Variants in UBIAD1 observed in about 807,000 individuals in gnomAD.
UBIAD1 encodes UbiA prenyltransferase domain containing 1, also known as ubiA prenyltransferase domain-containing protein 1.
UBIAD1 carries 12 observed loss-of-function variants against 20.1 expected under a neutral mutation model. The ratio of observed to expected loss-of-function variants is 0.60; its 90% CI spans 0.38 to 0.97. The LOEUF (loss-of-function observed/expected upper bound fraction) is 0.97, where lower values mean the gene tolerates loss of function less well. Among genes scored for constraint, UBIAD1 ranks in the 50% least tolerant of loss-of-function variants. The pLI, the probability that UBIAD1 is intolerant of heterozygous loss-of-function variation, is 0.00. For synonymous variants in UBIAD1, 207 were observed against 189.2 expected, an observed-to-expected ratio of 1.09 and a Z score of -0.77; for missense variants, 333 against 419.5, an observed-to-expected ratio of 0.79 and a Z score of 1.80.
rs1638260223 is a variant in UBIAD1 at position 11,286,214 on chromosome 1, T to C, written c.*83T>C. 1 of 1,591,418 alleles carries C rather than the reference T, an allele frequency of 6.3e-7. No homozygotes were observed. The highest frequency in any genetic ancestry group is 1.3e-5 in the African/African-American group (1 of 74,510). The stretch of plus-strand genomic sequence containing the variant: ...GAGTCTCTGAGGAAGGAATGTGATT[T>C]GGCAGTCAGGGTACTAAGCATGGGT... On this transcript the variant is annotated 3_prime_UTR_variant, in exon 2 of 2. Coordinates refer to ENST00000376810, the MANE Select transcript of UBIAD1 (RefSeq NM_013319.3).
downstream of UBIAD1, among the ~76,000 whole-genome samples, chr1:11,296,909 G>A (rs1638457135): frequency 6.6e-6 from 1 of 152,076 alleles, no homozygotes; most frequent in Non-Finnish European, 1.5e-5. Context: ...CCATGGCTGA[G>A]GGTCCATGTT....
chr1:11,294,713 G>T (rs1238558340), intron 1 of UBIAD1, among the ~76,000 whole-genome samples: 2 of 152,166 alleles, frequency 1.3e-5, no homozygotes, highest in East Asian at 3.9e-4. Context: ...ACCTACTCTG[G>T]CTGGCTGGGC....
intron 1 of UBIAD1, among the ~76,000 whole-genome samples, chr1:11,275,984 G>T (rs113364710): frequency 1.3e-5 from 2 of 152,250 alleles, no homozygotes; most frequent in African/African-American, 4.8e-5. Context: ...GCACACACAC[G>T]GATTATATAG....
chr1:11,292,668 TACACACACACACACACACACACAC>T (rs71568319), downstream of UBIAD1, among the ~76,000 whole-genome samples: 2 of 140,742 alleles, frequency 1.4e-5, no homozygotes, highest in Non-Finnish European at 3.1e-5. Context: ...ATTTTATGTA[TACACACACACACACACACACACAC>T]ACACACACAC....
At chr1:11,291,291 AG>A (rs1638361706), downstream of UBIAD1, among the ~76,000 whole-genome samples, 1 of 152,126 alleles carries the variant, frequency 6.6e-6, no homozygotes, top group Admixed American at 6.6e-5. Flanking sequence ...GATTTCAGCA[AG>A]GCATTTGACA....
chr1:11,296,346 G>A (rs1638447527), downstream of UBIAD1, among the ~76,000 whole-genome samples: 1 of 152,106 alleles, frequency 6.6e-6, no homozygotes, highest in African/African-American at 2.4e-5. Flanking sequence ...ACTCACCCCC[G>A]GGATACCCTC....
exon 2 of UBIAD1, chr1:11,295,102 C>G: frequency 3.3e-6 from 2 of 605,190 alleles, no homozygotes; most frequent in Non-Finnish European, 5.9e-6. Context: ...GTTCAGTGTG[C>G]TGTGTGGAGG....
chr1:11,291,538 C>T (rs530936919), downstream of UBIAD1, among the ~76,000 whole-genome samples: 1 of 141,340 alleles, frequency 7.1e-6, no homozygotes, highest in South Asian at 2.2e-4. Flanking sequence ...ACCCGGGAGG[C>T]AGAGATTGCA....
chr1:11,284,397 C>A (rs1652340838), intron 1 of UBIAD1, among the ~76,000 whole-genome samples: 1 of 151,962 alleles, frequency 6.6e-6, no homozygotes, highest in Non-Finnish European at 1.5e-5. Context: ...CTTTTATCCC[C>A]AGGATGAGTG....
At chr1:11,289,625 T>C (rs1638332578), downstream of UBIAD1, among the ~76,000 whole-genome samples, 1 of 152,076 alleles carries the variant, frequency 6.6e-6, no homozygotes, top group Non-Finnish European at 1.5e-5. Context: ...TGGAGTGGCG[T>C]GATCTCGGCT....
downstream of UBIAD1, among the ~76,000 whole-genome samples, chr1:11,290,919 C>T (rs185947326): frequency 8.7e-5 from 12 of 138,270 alleles, no homozygotes; most frequent in South Asian, 2.1e-4. Context: ...GCCGAGATCA[C>T]GCCACTGCAC....
intron 1 of UBIAD1, chr1:11,293,509 C>G (rs1638400271): frequency 6.6e-6 from 1 of 152,234 alleles, no homozygotes; most frequent in African/African-American, 2.4e-5. Context: ...ACAGAGCAGG[C>G]AGTCAGTAAC....
rs886045085 is a variant in UBIAD1 at position 11,288,246 on chromosome 1, C to G, written c.*2115C>G. On this transcript the variant is annotated 3_prime_UTR_variant, in exon 2 of 2. Transcript: ENST00000376810. Reference sequence around the variant, plus strand: ...CGTATGCCTTGGTGGTCACTCCCATCGGGGCTATCAGTTCTGCACTGTGCC... The same window carrying G: ...CGTATGCCTTGGTGGTCACTCCCATGGGGGCTATCAGTTCTGCACTGTGCC... 3 of 152,148 alleles carry G rather than the reference C, an allele frequency of 2.0e-5. No homozygotes were observed. The highest frequency in any genetic ancestry group is 4.4e-5 in the Non-Finnish European group (3 of 68,048). 9.4% of individuals were successfully genotyped at this position (152,148 alleles called of 1,614,324 possible).
At chr1:11,291,772 A>G (rs150281642), downstream of UBIAD1, among the ~76,000 whole-genome samples, 339 of 152,272 alleles carry the variant, frequency 2.2e-3, 4 homozygotes, top group African/African-American at 7.7e-3. Flanking sequence ...TGTTATCAAC[A>G]AAGTGGATCT....
chr1:11,276,806 G>A (rs974166337), intron 1 of UBIAD1, among the ~76,000 whole-genome samples: 3 of 149,318 alleles, frequency 2.0e-5, no homozygotes, highest in Admixed American at 6.7e-5. Flanking sequence ...TGTCTGTTAC[G>A]TGTAACACAC....
Position 11,285,853 on chromosome 1 carries a change from A to G in UBIAD1, c.739A>G (p.Thr247Ala), listed in dbSNP as rs1638253298. ...GTCCGACCGGGAGGCTGGTATCGTC[A>G]CGCTGGCCATCCTCATCGGCCCCAC... ...MESDREAGIV[T>A]LAILIGPTFS... The change falls in exon 2 of 2, where the codon ACG (threonine) becomes GCG (alanine). Residue 247 changes from threonine to alanine, a missense_variant. Around this residue, in one of 3 missense-constraint regions of UBIAD1, gnomAD observed 226 missense variants for 263.5 expected, o/e 0.86. Coordinates refer to ENST00000376810, the MANE Select transcript of UBIAD1 (RefSeq NM_013319.3). This position sits in a 1 kb window ranked among gnomAD's most constrained non-coding sequence, Gnocchi z 4.4. 1 of 1,614,136 alleles carries G rather than the reference A, an allele frequency of 6.2e-7. No homozygotes were observed. Among genetic ancestry groups the G allele is most frequent in the Non-Finnish European group, 8.5e-7 (1 of 1,180,018 alleles).
chr1:11,293,970 G>T (rs903361674), intron 1 of UBIAD1, among the ~76,000 whole-genome samples: 3 of 152,180 alleles, frequency 2.0e-5, no homozygotes, highest in African/African-American at 7.2e-5. Context: ...ACTGTGCCTG[G>T]CCCCATGGCA....
chr1:11,275,933 A>C, intron 1 of UBIAD1, among the ~76,000 whole-genome samples: 1 of 152,176 alleles, frequency 6.6e-6, no homozygotes, highest in East Asian at 1.9e-4. Context: ...GAGAGTAAAG[A>C]GAGGTAAAGT....
chr1:11,287,760 T>C lies in UBIAD1; in HGVS notation c.*1629T>C, dbSNP rs2101024814. On this transcript the variant is annotated 3_prime_UTR_variant, in exon 2 of 2. Transcript: ENST00000376810. ...TTGGCTAACACGGTGAAACCCCGTT[T>C]CTACTAAAAATACAAAAAATTAGCC... 6.6e-6 allele frequency: 1 copy of C among 152,190 alleles called. No homozygotes were observed. 9.4% of individuals were successfully genotyped at this position (152,190 alleles called of 1,614,324 possible). A position where few individuals can be genotyped will look rare whatever the true frequency, so the allele number is the denominator to read the frequency against.
Sources: gnomAD v4.1 joint callset for allele counts (sites outside exome capture counted in the v4.1 genomes callset) on GRCh38, gnomAD v4.1.1 for gene constraint, gnomAD v4.1.1 regional missense constraint, Gnocchi (gnomAD v3.1) non-coding constraint, MANE v1.5 for transcripts, NCBI Gene and HGNC (gene_info 2026-07-23, HGNC 2026-07-21) for gene names.